Variants in IKBKB-DT observed in about 807,000 individuals in gnomAD.
The protein encoded by IKBKB-DT is IKBKB divergent transcript.
intron 3 of IKBKB-DT, among the ~76,000 whole-genome samples, chr8:42,247,145 C>T (rs1028172813): frequency 4.7e-4 from 72 of 152,298 alleles, no homozygotes; most frequent in African/African-American, 1.7e-3. Context: ...ACACTCAATG[C>T]CTGCTTGTGA....
intron 3 of IKBKB-DT, among the ~76,000 whole-genome samples, chr8:42,250,379 C>T (rs1807116482): frequency 6.6e-6 from 1 of 152,154 alleles, no homozygotes; most frequent in Non-Finnish European, 1.5e-5. Flanking sequence ...GTGATGTTAT[C>T]TGCAGGGGTA....
At chr8:42,255,568 T>C (rs1447032982) in intron 3 of IKBKB-DT, 1 of 152,248 alleles carries the variant, frequency 6.6e-6, no homozygotes, top group African/African-American at 2.4e-5. Context: ...GGTTGGCTTT[T>C]TGGCTCCATA....
chr8:42,266,185 C>T (rs959014511), exon 2 of IKBKB-DT: 2 of 152,260 alleles, frequency 1.3e-5, no homozygotes, highest in African/African-American at 4.8e-5. Context: ...TGGGATAAAA[C>T]AAAATCAGAT....
intron 3 of IKBKB-DT, among the ~76,000 whole-genome samples, chr8:42,246,465 G>C (rs1807066273): frequency 6.6e-6 from 1 of 152,094 alleles, no homozygotes. Context: ...AAAATACATT[G>C]TTTTGCACTT....
intron 3 of IKBKB-DT, among the ~76,000 whole-genome samples, chr8:42,250,844 C>G (rs1221958252): frequency 6.6e-6 from 1 of 152,176 alleles, no homozygotes; most frequent in Non-Finnish European, 1.5e-5. Context: ...GATCACACCA[C>G]TGTACTCCAG....
intron 1 of IKBKB-DT, among the ~76,000 whole-genome samples, chr8:42,268,911 A>C (rs1231959104): frequency 6.6e-6 from 1 of 152,200 alleles, no homozygotes; most frequent in African/African-American, 2.4e-5. Context: ...GCAAACACTT[A>C]TATTGCACTT....
intron 1 of IKBKB-DT, among the ~76,000 whole-genome samples, chr8:42,268,883 A>T (rs1172522812): frequency 6.6e-6 from 1 of 152,166 alleles, no homozygotes; most frequent in Non-Finnish European, 1.5e-5. Flanking sequence ...TATTTTATTT[A>T]AAAAATTTAC....
intron 3 of IKBKB-DT, among the ~76,000 whole-genome samples, chr8:42,250,880 C>T (rs781745596): frequency 1.3e-5 from 2 of 152,132 alleles, no homozygotes; most frequent in African/African-American, 2.4e-5. Context: ...GAGACCCTGT[C>T]TCACAAACAA....
intron 3 of IKBKB-DT, among the ~76,000 whole-genome samples, chr8:42,242,615 T>A (rs1807017094): frequency 6.6e-6 from 1 of 152,210 alleles, no homozygotes; most frequent in African/African-American, 2.4e-5. Flanking sequence ...CGTCCTCCAT[T>A]TGGCCTGGTC....
At chr8:42,255,850 C>T (rs2129923202) in intron 3 of IKBKB-DT, among the ~76,000 whole-genome samples, 1 of 151,874 alleles carries the variant, frequency 6.6e-6, no homozygotes, top group Middle Eastern at 3.4e-3. Context: ...AGAGTGAAAC[C>T]CCGTCTCTAC....
exon 1 of IKBKB-DT, chr8:42,271,055 C>G (rs1413425897): frequency 7.6e-6 from 2 of 263,152 alleles, no homozygotes; most frequent in Non-Finnish European, 1.5e-5. Context: ...AGAAACCGCT[C>G]CAGGTGGAAG....
intron 3 of IKBKB-DT, among the ~76,000 whole-genome samples, chr8:42,262,660 C>T (rs539575516): frequency 2.8e-4 from 42 of 152,034 alleles, no homozygotes; most frequent in Admixed American, 2.0e-4. Context: ...AGGATGGTCT[C>T]GATCTCCTGA....
chr8:42,248,483 C>G (rs1430284310), intron 3 of IKBKB-DT, among the ~76,000 whole-genome samples: 1 of 152,128 alleles, frequency 6.6e-6, no homozygotes, highest in Non-Finnish European at 1.5e-5. Flanking sequence ...TTGATCTTTA[C>G]CTTAGAGCCC....
intron 2 of IKBKB-DT, chr8:42,265,545 C>T (rs900867114): frequency 1.3e-5 from 2 of 152,254 alleles, no homozygotes; most frequent in Non-Finnish European, 2.9e-5. Context: ...TAGAGTCCGG[C>T]AGCTGAGCTG....
intron 3 of IKBKB-DT, among the ~76,000 whole-genome samples, chr8:42,258,661 G>A (rs1020771041): frequency 6.6e-6 from 1 of 151,892 alleles, no homozygotes; most frequent in Non-Finnish European, 1.5e-5. Flanking sequence ...ATAGAGACAG[G>A]GTTTCACCAT....
exon 1 of IKBKB-DT, chr8:42,271,230 C>A (rs966704951): frequency 6.1e-6 from 4 of 657,548 alleles, no homozygotes; most frequent in Non-Finnish European, 1.1e-5. Flanking sequence ...GCGCAGCACT[C>A]GCAGCATCCG....
intron 3 of IKBKB-DT, among the ~76,000 whole-genome samples, chr8:42,235,122 T>A (rs1585457505): frequency 6.6e-6 from 1 of 151,190 alleles, no homozygotes; most frequent in Non-Finnish European, 1.5e-5. Context: ...AACCTAACAT[T>A]GGCCTTTTGA....
chr8:42,258,886 T>C (rs1807243201), intron 3 of IKBKB-DT, among the ~76,000 whole-genome samples: 1 of 152,172 alleles, frequency 6.6e-6, no homozygotes, highest in South Asian at 2.1e-4. Flanking sequence ...TAAGCAATCA[T>C]TAAGAAATTT....
At chr8:42,257,279 G>A (rs989381704) in intron 3 of IKBKB-DT, among the ~76,000 whole-genome samples, 12 of 152,020 alleles carry the variant, frequency 7.9e-5, no homozygotes, top group African/African-American at 1.7e-4. Flanking sequence ...CGAGGCAGGC[G>A]GATCACGAGG....
Sources: allele counts gnomAD v4.1 joint callset (sites outside exome capture counted in the v4.1 genomes callset), GRCh38; gene constraint gnomAD v4.1.1; transcripts MANE v1.5; gene names NCBI Gene and HGNC (gene_info 2026-07-23, HGNC 2026-07-21).